PALS2: variants seen among roughly 807,000 people sequenced by gnomAD.
PALS2 encodes the protein protein PALS2.
Under a neutral mutation model 61.6 loss-of-function variants are expected in PALS2, and 27 were observed. That is an observed-to-expected ratio of 0.44 (90% CI 0.32 to 0.60). PALS2 has a LOEUF of 0.60. Among genes scored for constraint, PALS2 ranks in the 20% least tolerant of loss-of-function variants. PALS2 has a pLI of 0.05. For synonymous variants in PALS2, 236 were observed against 218.6 expected (o/e 1.08, Z -0.70); for missense variants, 554 against 639.4 (o/e 0.87, Z 1.44).
chr7:24,603,814 TTAAGTC>T (rs1488458852), intron 1 of PALS2, among the ~76,000 whole-genome samples: 1 of 152,110 alleles, frequency 6.6e-6, no homozygotes, highest in Non-Finnish European at 1.5e-5. Flanking sequence ...ATTCTGCAGT[TTAAGTC>T]TAGACCAATT....
chr7:24,639,476 A>G lies in PALS2; in HGVS notation c.118-2240A>G, dbSNP rs550596726. On this transcript the variant is annotated intron_variant, in intron 2 of 11. Coordinates refer to ENST00000222644, the MANE Select transcript of PALS2 (RefSeq NM_001303037.2). ...CCAACGCAGAAAAAAAAGCCCTTCAATAGATGTTAAGGTTCTTTCCTTCCT... is the reference window on the plus strand; with the variant it reads ...CCAACGCAGAAAAAAAAGCCCTTCAGTAGATGTTAAGGTTCTTTCCTTCCT... 3.9e-5 allele frequency among the ~76,000 whole-genome samples: 6 copies of G among 152,228 alleles called. No homozygotes were observed. The South Asian group carries it at 1.0e-3, about 26-fold the overall frequency.
At chr7:24,647,366 C>T (rs1423971271) in intron 3 of PALS2, among the ~76,000 whole-genome samples, 1 of 152,274 alleles carries the variant, frequency 6.6e-6, no homozygotes, top group Middle Eastern at 3.4e-3. Context: ...CCAGGCTGGT[C>T]TTGAACTCCT....
At chr7:24,686,539 C>T (rs1788214370) in intron 11 of PALS2, among the ~76,000 whole-genome samples, 1 of 152,016 alleles carries the variant, frequency 6.6e-6, no homozygotes, top group Non-Finnish European at 1.5e-5. Context: ...TAATTTACTA[C>T]TCAGTCTTTT....
At chr7:24,628,190 C>G (rs895595716) in intron 2 of PALS2, among the ~76,000 whole-genome samples, 4 of 152,164 alleles carry the variant, frequency 2.6e-5, no homozygotes, top group Non-Finnish European at 5.9e-5. Flanking sequence ...GGCTTCATCC[C>G]TGGGATGCAA....
rs762061525 is a variant in PALS2, at chr7:24,641,700, A to T, written c.118-16A>T. On this transcript the variant is annotated splice_polypyrimidine_tract_variant and intron_variant, in intron 2 of 11. Transcript: ENST00000222644. ...CAAATAAGTATTACTACTTTAATAT[A>T]CTCTTATTTTTTCAGGCTCATGAGA... The T allele has an allele frequency of 2.5e-6, 4 of 1,573,960 alleles. No homozygotes were observed. Among genetic ancestry groups the T allele is most frequent in the South Asian group, 1.2e-5 (1 of 85,840 alleles).
chr7:24,653,961 A>G (rs940748569), intron 5 of PALS2, among the ~76,000 whole-genome samples: 4 of 152,204 alleles, frequency 2.6e-5, no homozygotes, highest in African/African-American at 9.6e-5. Flanking sequence ...GGAAGTGGTG[A>G]TCTTGTTCAG....
At chr7:24,649,498 T>C (rs932463271) in intron 3 of PALS2, 114 bp from the exon 4 acceptor site, 3 of 823,826 alleles carry the variant, frequency 3.6e-6, no homozygotes, top group East Asian at 5.8e-5. Context: ...TTTAATACCA[T>C]GTGCCTTGGA....
At chr7:24,666,848 ATATT>A (rs1787043813) in intron 8 of PALS2, 1 of 152,194 alleles carries the variant, frequency 6.6e-6, no homozygotes, top group Admixed American at 6.5e-5. Flanking sequence ...GGAAACTACT[ATATT>A]TATTCTTCCC....
At chr7:24,613,582 T>G (rs758630991) in intron 1 of PALS2, among the ~76,000 whole-genome samples, 2 of 151,852 alleles carry the variant, frequency 1.3e-5, no homozygotes, top group African/African-American at 2.4e-5. Flanking sequence ...CATTTTTCAT[T>G]TATTTGTGTT....
intron 1 of PALS2, among the ~76,000 whole-genome samples, chr7:24,616,582 A>G (rs995629254): frequency 4.6e-5 from 7 of 152,138 alleles, no homozygotes; most frequent in Non-Finnish European, 8.8e-5. Flanking sequence ...CTTGTAGGCA[A>G]CATGTAATTG....
intron 1 of PALS2, 45 bp from the exon 2 acceptor site, chr7:24,623,613 GTTTTTGTT>G: frequency 8.8e-7 from 1 of 1,133,178 alleles, no homozygotes; most frequent in Non-Finnish European, 1.2e-6. Flanking sequence ...AAATTTAAGG[GTTTTTGTT>G]TGTTTGTTTG....
In PALS2 at chr7:24,596,624, T is replaced by C. The variant is rs1338330095; in HGVS notation, c.-3+23031T>C. ...CTTGCTTTGTTAATTAGTGGTTGGGTGAATAAAAATTTACTCAAAGCAGGA... is the reference window on the plus strand; with the variant it reads ...CTTGCTTTGTTAATTAGTGGTTGGGCGAATAAAAATTTACTCAAAGCAGGA... On this transcript the variant is annotated intron_variant, in intron 1 of 11. Transcript: ENST00000222644. This position sits in a 1 kb window ranked among gnomAD's most constrained non-coding sequence, Gnocchi z 4.5. 6.6e-6 allele frequency among the ~76,000 whole-genome samples: 1 copy of C among 152,126 alleles called. No homozygotes were observed. The highest frequency in any genetic ancestry group is 1.5e-5 in the Non-Finnish European group (1 of 68,018).
intron 1 of PALS2, among the ~76,000 whole-genome samples, chr7:24,610,340 T>A (rs186629504): frequency 3.3e-5 from 5 of 152,290 alleles, no homozygotes; most frequent in African/African-American, 1.2e-4. Context: ...TATGATGATC[T>A]TATCACCAGT....
Position 24,679,129 on chromosome 7 carries a change from A to G in PALS2, c.1115-2A>G. On this transcript the variant is annotated splice_acceptor_variant, in intron 9 of 11. Transcript: ENST00000222644. LOFTEE classifies it high-confidence loss of function. ...CAAAAATCTCAACACTATTTTATTT[A>G]GTTACTTCACGGAAACCAAGGGAAG... The G allele has an allele frequency of 6.2e-7, 1 of 1,612,398 alleles. No individual in the cohort carries two copies. Among genetic ancestry groups the G allele is most frequent in the Non-Finnish European group, 8.5e-7 (1 of 1,178,540 alleles).
At position 24,580,039 on chromosome 7, in the gene PALS2, A is replaced by G. The variant is rs111912931; in HGVS notation, c.-3+6446A>G. On this transcript the variant is annotated intron_variant, in intron 1 of 11. Coordinates refer to ENST00000222644, the MANE Select transcript of PALS2 (RefSeq NM_001303037.2). Reference sequence around the variant, plus strand: ...TGATTCTCTGAGCAGACTGGGGGCCATATGCTTAGGAAAGGAAAAGTGAAA... The same window carrying G: ...TGATTCTCTGAGCAGACTGGGGGCCGTATGCTTAGGAAAGGAAAAGTGAAA... 7.5e-3 allele frequency among the ~76,000 whole-genome samples: 1,147 copies of G among 152,268 alleles called. 8 individuals are homozygous for G. The highest frequency in any genetic ancestry group is 0.026 in the African/African-American group (1,068 of 41,552).
In PALS2 at chr7:24,691,100, C is replaced by G. The variant is rs1788445207; in HGVS notation, c.*3486C>G. On this transcript the variant is annotated 3_prime_UTR_variant, in exon 12 of 12. Coordinates refer to ENST00000222644, the MANE Select transcript of PALS2 (RefSeq NM_001303037.2). ...TTTATGTATAACAAGTGTCATGATC[C>G]CAGTGACTGGAGTTGATTTTCAAGG... The G allele has an allele frequency of 6.6e-6, 1 of 151,566 alleles. No individual in the cohort carries two copies. The highest frequency in any genetic ancestry group is 6.6e-5 in the Admixed American group (1 of 15,208). The allele number at this position is 151,566 out of a possible 1,614,324, so 9.4% of individuals were successfully genotyped here. A position where few individuals can be genotyped will look rare whatever the true frequency, so the allele number is the denominator to read the frequency against.
rs1233892745 is a variant in PALS2, at chr7:24,623,688, C to G, written c.21C>G (p.Asn7Lys). MQQVLE[N>K]LTELPSSTGA... ...CAGCAATGCAGCAAGTCTTGGAAAA[C>G]CTTACGGAGCTGCCCTCGTCTACTG... is the stretch of plus-strand genomic sequence containing the variant. Residue 7 changes from asparagine (N) to lysine (K), a missense_variant, in exon 2 of 12, where the codon AAC (asparagine) becomes AAG (lysine). By Grantham distance (94) the Asn-to-Lys change is moderately conservative. Transcript: ENST00000222644. The G allele has an allele frequency of 6.3e-7, 1 of 1,595,916 alleles. No homozygotes were observed. Among genetic ancestry groups the G allele is most frequent in the Admixed American group, 1.8e-5 (1 of 55,388 alleles).
chr7:24,580,781 T>C (rs1395521974), intron 1 of PALS2, among the ~76,000 whole-genome samples: 2 of 152,236 alleles, frequency 1.3e-5, no homozygotes, highest in Non-Finnish European at 2.9e-5. Context: ...TGTTTTTTCT[T>C]CTTGCTATCA....
At chr7:24,660,082 C>G (rs758830419) in intron 5 of PALS2, among the ~76,000 whole-genome samples, 12 of 152,162 alleles carry the variant, frequency 7.9e-5, no homozygotes, top group Non-Finnish European at 1.5e-4. Context: ...ATCTTCATTG[C>G]CTGATCTCGG....
Sources: gnomAD v4.1 joint callset for allele counts (sites outside exome capture counted in the v4.1 genomes callset) on GRCh38, gnomAD v4.1.1 for gene constraint, Gnocchi (gnomAD v3.1) non-coding constraint, MANE v1.5 for transcripts, NCBI Gene and HGNC (gene_info 2026-07-23, HGNC 2026-07-21) for gene names.